The following OXR1 variants were observed in gnomAD, a reference collection of about 807,000 sequenced individuals.
The protein encoded by OXR1 is oxidation resistance 1.
A neutral mutation model predicts 104.6 loss-of-function variants in OXR1; 41 were observed. The observed-to-expected ratio is 0.39, with a 90% CI of 0.31 to 0.51. The LOEUF (loss-of-function observed/expected upper bound fraction) is 0.51. Among genes scored for constraint, OXR1 ranks in the 20% least tolerant of loss-of-function variants. The probability of loss-of-function intolerance (pLI) is 0.77; values close to 1 mark genes in which losing one functional copy is unlikely to be tolerated. For missense variants in OXR1, 955 were observed against 1,031.9 expected (o/e 0.93, Z 1.02); for synonymous variants, 348 against 348.4 (o/e 1.00, Z 0.01).
At chr8:106,549,244 A>ATTT (rs11420902) in intron 3 of OXR1, among the ~76,000 whole-genome samples, 6 of 144,152 alleles carry the variant, frequency 4.2e-5, no homozygotes, top group Non-Finnish European at 7.6e-5. Flanking sequence ...CATATCAAAC[A>ATTT]TTTTTTTTTT....
chr8:106,340,188 T>C lies in OXR1; in HGVS notation c.-138-19288T>C, dbSNP rs537476019. Among the ~76,000 whole-genome samples the C allele has an allele frequency of 5.2e-4, 77 of 148,346 alleles. 1 individual carries two copies. In the South Asian group the frequency reaches 0.015, roughly 30 times the overall value. Reference sequence around the variant, plus strand: ...ATAGTGATTAGCAGCAGTCAACTGATAGGATGTGATTGGAACAGTTGTGAG... The same window carrying C: ...ATAGTGATTAGCAGCAGTCAACTGACAGGATGTGATTGGAACAGTTGTGAG... On this transcript the variant is annotated intron_variant, in intron 1 of 16. Coordinates refer to ENST00000517566, the MANE Select transcript of OXR1 (RefSeq NM_001198533.2).
intron 3 of OXR1, among the ~76,000 whole-genome samples, chr8:106,567,931 T>C (rs1211374178): frequency 6.6e-6 from 1 of 152,154 alleles, no homozygotes; most frequent in Non-Finnish European, 1.5e-5. Context: ...CATTGCTTCA[T>C]GATTCAAATT....
chr8:106,415,885 C>T (rs1818657387), intron 2 of OXR1, among the ~76,000 whole-genome samples: 1 of 152,110 alleles, frequency 6.6e-6, no homozygotes, highest in Non-Finnish European at 1.5e-5. Flanking sequence ...CATCTTGGCT[C>T]ATAGTATATT....
intron 3 of OXR1, among the ~76,000 whole-genome samples, chr8:106,572,701 T>C (rs1266909157): frequency 3.9e-5 from 6 of 152,178 alleles, no homozygotes; most frequent in Non-Finnish European, 8.8e-5. Context: ...TCCAATAACG[T>C]TTTCTTCATG....
At chr8:106,733,838 AAAAG>A (rs1834123720) in intron 11 of OXR1, among the ~76,000 whole-genome samples, 1 of 151,262 alleles carries the variant, frequency 6.6e-6, no homozygotes, top group South Asian at 2.1e-4. Context: ...AAAAAAAAAA[AAAAG>A]AAAAGAAAAA....
intron 7 of OXR1, 42 bp from the exon 8 acceptor site, chr8:106,702,864 T>G: frequency 6.8e-7 from 1 of 1,471,178 alleles, no homozygotes; most frequent in Non-Finnish European, 9.3e-7. Flanking sequence ...TTTTGAAGTA[T>G]CAACCTTGAG....
chr8:106,740,624 T>C (rs1834839358), intron 14 of OXR1, 129 bp downstream of exon 14: 1 of 742,800 alleles, frequency 1.3e-6, no homozygotes, highest in Non-Finnish European at 2.2e-6. Context: ...CTGGGTACTT[T>C]TAATATGCAA....
At chr8:106,739,075 TACACACAC>T (rs71307086) in intron 12 of OXR1, among the ~76,000 whole-genome samples, 13,979 of 141,542 alleles carry the variant, frequency 0.099, 983 homozygotes, top group African/African-American at 0.2. Flanking sequence ...TTAAATAGCA[TACACACAC>T]ACACACACAC....
intron 3 of OXR1, chr8:106,618,157 C>A (rs1386479267): frequency 1.2e-5 from 18 of 1,536,082 alleles, no homozygotes; most frequent in Non-Finnish European, 1.5e-5. Flanking sequence ...GAAGGAAGGA[C>A]CTCAGAAATG....
chr8:106,679,354 C>G, intron 4 of OXR1, 62 bp downstream of exon 4: 1 of 763,292 alleles, frequency 1.3e-6, no homozygotes. Context: ...AAGACATTCT[C>G]TGTTTATACT....
intron 3 of OXR1, among the ~76,000 whole-genome samples, chr8:106,586,725 G>A (rs1366981970): frequency 1.3e-5 from 2 of 152,168 alleles, no homozygotes; most frequent in African/African-American, 2.4e-5. Context: ...CTGAGAAGGA[G>A]CAGCAGTGGA....
chr8:106,645,244 T>C (rs1330211520), intron 3 of OXR1, among the ~76,000 whole-genome samples: 1 of 152,146 alleles, frequency 6.6e-6, no homozygotes, highest in Non-Finnish European at 1.5e-5. Context: ...AACCCTTCCT[T>C]CCGGACTCCT....
chr8:106,510,968 C>T (rs912503156), intron 2 of OXR1, among the ~76,000 whole-genome samples: 2 of 152,140 alleles, frequency 1.3e-5, no homozygotes, highest in Non-Finnish European at 2.9e-5. Flanking sequence ...TTGAGTAATT[C>T]CCGATTCCAC....
intron 1 of OXR1, among the ~76,000 whole-genome samples, chr8:106,357,964 G>T (rs953841837): frequency 1.3e-5 from 2 of 152,038 alleles, no homozygotes; most frequent in African/African-American, 2.4e-5. Context: ...TTTGGTTTAC[G>T]GTTAGGACAC....
intron 11 of OXR1, among the ~76,000 whole-genome samples, chr8:106,734,399 AGTAAGT>A (rs1325495713): frequency 2.0e-5 from 3 of 152,182 alleles, no homozygotes; most frequent in African/African-American, 4.8e-5. Context: ...TTGAGACCAA[AGTAAGT>A]GTAAGTGGCA....
chr8:106,313,510 G>A (rs2130142073), intron 1 of OXR1, among the ~76,000 whole-genome samples: 1 of 152,202 alleles, frequency 6.6e-6, no homozygotes, highest in South Asian at 2.1e-4. Flanking sequence ...TTAGTGACCA[G>A]TAAGCTGACA....
At chr8:106,526,590 T>TGGA (rs1193136500) in intron 3 of OXR1, among the ~76,000 whole-genome samples, 1 of 152,252 alleles carries the variant, frequency 6.6e-6, no homozygotes, top group Non-Finnish European at 1.5e-5. Context: ...TCGCCCAGGC[T>TGGA]GGAGTGCAGT....
intron 1 of OXR1, among the ~76,000 whole-genome samples, chr8:106,326,800 G>A (rs1395056235): frequency 2.6e-5 from 4 of 152,206 alleles, no homozygotes; most frequent in Non-Finnish European, 5.9e-5. Context: ...ATAGGGAATG[G>A]AGTCAGAGAG....
chr8:106,572,783 C>T (rs1324156668), intron 3 of OXR1, among the ~76,000 whole-genome samples: 1 of 152,196 alleles, frequency 6.6e-6, no homozygotes, highest in Admixed American at 6.5e-5. Context: ...TTCTTCCAGC[C>T]TCTACCCATT....
Sources: gnomAD v4.1 joint callset for allele counts (sites outside exome capture counted in the v4.1 genomes callset) on GRCh38, gnomAD v4.1.1 for gene constraint, MANE v1.5 for transcripts, NCBI Gene and HGNC (gene_info 2026-07-23, HGNC 2026-07-21) for gene names.